KCNH8: variants seen among roughly 807,000 people sequenced by gnomAD.
KCNH8 encodes the protein voltage-gated delayed rectifier potassium channel KCNH8.
In KCNH8, 70 loss-of-function variants were observed where a neutral mutation model predicts 103.6. The ratio of observed to expected loss-of-function variants is 0.68; its 90% CI spans 0.56 to 0.82. KCNH8 has a LOEUF of 0.82. KCNH8 is among the 40% of genes least tolerant of loss of function. The pLI is 0.00. For synonymous variants in KCNH8, 498 were observed against 489.4 expected (o/e 1.02, Z -0.23); for missense variants, 1,217 against 1,329.9 (o/e 0.92, Z 1.32).
intron 1 of KCNH8, among the ~76,000 whole-genome samples, chr3:19,158,011 T>A (rs1015833299): frequency 6.6e-6 from 1 of 151,724 alleles, no homozygotes; most frequent in African/African-American, 2.4e-5. Context: ...TTACTATTAT[T>A]ATTATTTCTA....
chr3:19,509,452 A>T (rs2068747449), intron 11 of KCNH8, among the ~76,000 whole-genome samples: 1 of 152,200 alleles, frequency 6.6e-6, no homozygotes, highest in African/African-American at 2.4e-5. Flanking sequence ...GTATTTGAGC[A>T]AAAAACAATG....
At chr3:19,218,819 C>T (rs975942381) in intron 1 of KCNH8, among the ~76,000 whole-genome samples, 2 of 152,170 alleles carry the variant, frequency 1.3e-5, no homozygotes, top group African/African-American at 4.8e-5. Flanking sequence ...CAGAACAACT[C>T]CAGTCTTCAT....
chr3:19,384,861 A>C (rs899943032), intron 5 of KCNH8, among the ~76,000 whole-genome samples: 1 of 152,148 alleles, frequency 6.6e-6, no homozygotes, highest in Non-Finnish European at 1.5e-5. Flanking sequence ...TTCAAAATCA[A>C]AATTGATAAG....
At chr3:19,479,082 G>A (rs576813389) in intron 11 of KCNH8, among the ~76,000 whole-genome samples, 2 of 152,144 alleles carry the variant, frequency 1.3e-5, no homozygotes, top group Non-Finnish European at 2.9e-5. Flanking sequence ...GCAGGACTAG[G>A]AAAATATTAA....
intron 1 of KCNH8, among the ~76,000 whole-genome samples, chr3:19,226,031 C>T (rs1235200473): frequency 6.6e-6 from 1 of 152,138 alleles, no homozygotes; most frequent in East Asian, 1.9e-4. Context: ...TGAAGTAATT[C>T]TTTTGATATG....
chr3:19,343,677 G>A (rs2065691479), intron 4 of KCNH8, among the ~76,000 whole-genome samples: 1 of 151,994 alleles, frequency 6.6e-6, no homozygotes, highest in Non-Finnish European at 1.5e-5. Context: ...AGGACAGAGA[G>A]GGGATCCTTT....
At chr3:19,178,201 A>G (rs1484380098) in intron 1 of KCNH8, among the ~76,000 whole-genome samples, 2 of 152,096 alleles carry the variant, frequency 1.3e-5, no homozygotes, top group South Asian at 2.1e-4. Flanking sequence ...ACTTATTTGT[A>G]TTATATTTTA....
chr3:19,319,596 T>C (rs1165491671), intron 3 of KCNH8, among the ~76,000 whole-genome samples: 4 of 152,016 alleles, frequency 2.6e-5, no homozygotes, highest in African/African-American at 9.7e-5. Flanking sequence ...AGTTGGGTAA[T>C]GTAATGTCTC....
At chr3:19,320,418 A>C (rs976363235) in intron 3 of KCNH8, among the ~76,000 whole-genome samples, 1 of 151,994 alleles carries the variant, frequency 6.6e-6, no homozygotes, top group African/African-American at 2.4e-5. Context: ...TGAGATGATC[A>C]TATGATTTTT....
chr3:19,187,817 C>A (rs2063516673), intron 1 of KCNH8, among the ~76,000 whole-genome samples: 1 of 151,914 alleles, frequency 6.6e-6, no homozygotes. Flanking sequence ...TTTAAAAAGT[C>A]TTTGTGAACA....
intron 11 of KCNH8, among the ~76,000 whole-genome samples, chr3:19,471,973 T>G (rs562457348): frequency 1.3e-5 from 2 of 152,338 alleles, no homozygotes; most frequent in East Asian, 3.9e-4. Flanking sequence ...CACTTTTGAC[T>G]TATGCACTTT....
At chr3:19,286,513 A>G (rs2064834162) in intron 3 of KCNH8, among the ~76,000 whole-genome samples, 1 of 152,180 alleles carries the variant, frequency 6.6e-6, no homozygotes. Flanking sequence ...ACTGTAAGAA[A>G]ATAAATTTCT....
chr3:19,253,644 T>A lies in KCNH8; in HGVS notation c.77-10T>A, dbSNP rs747018462. ...TAGTTGCTGAGTATCTTCTCCTTGT[T>A]TTTCTATAGATAGCAACTTCATCCT... On this transcript the variant is annotated splice_polypyrimidine_tract_variant and intron_variant, in intron 1 of 15. Coordinates refer to ENST00000328405, the MANE Select transcript of KCNH8 (RefSeq NM_144633.3). 2 of 1,598,162 alleles carry A rather than the reference T, an allele frequency of 1.3e-6. No homozygotes were observed. The highest frequency in any genetic ancestry group is 4.5e-5 in the East Asian group (2 of 44,740).
rs201196698 is a variant in KCNH8, at chr3:19,533,473, T to G, written c.2698T>G (p.Ser900Ala). The stretch of plus-strand genomic sequence containing the variant: ...GATCCAGCTTCTGGAAAACGTTCTG[T>G]CACCTCAGCAGCCATCACGGTTTTG... ...NVIQLLENVL[S>A]PQQPSRFCSL... The change falls in exon 16 of 16, where the codon TCA becomes GCA. Residue 900 changes from serine to alanine, a missense_variant. Physicochemically the swap from Ser to Ala is moderately conservative, Grantham distance 99. Around this residue, in one of 3 missense-constraint regions of KCNH8, gnomAD observed 558 missense variants for 495.8 expected, o/e 1.13. Transcript: ENST00000328405. 2 of 1,614,144 alleles carry G rather than the reference T, an allele frequency of 1.2e-6. No individual in the cohort carries two copies. The highest frequency in any genetic ancestry group is 1.1e-5 in the South Asian group (1 of 91,084).
In KCNH8 at chr3:19,234,297, C is replaced by T. The variant is rs112659268; in HGVS notation, c.77-19357C>T. Among the ~76,000 whole-genome samples the T allele has an allele frequency of 1.0e-3, 157 of 152,306 alleles. 1 individual carries two copies. The highest frequency in any genetic ancestry group is 3.1e-3 in the African/African-American group (130 of 41,590). On this transcript the variant is annotated intron_variant, in intron 1 of 15. Transcript: ENST00000328405. ...CGCTGTGGGCCGGCACTCCTCAGGC[C>T]TTGGGTGGTCCATGGGACTGGGCGC... is the stretch of plus-strand genomic sequence containing the variant.
chr3:19,443,824 AATAATT>A (rs1294317610), intron 8 of KCNH8, among the ~76,000 whole-genome samples: 11 of 152,148 alleles, frequency 7.2e-5, no homozygotes, highest in African/African-American at 2.4e-4. Flanking sequence ...AATATGTATG[AATAATT>A]ATAACTAAAA....
chr3:19,293,263 G>A (rs1223986582), intron 3 of KCNH8, among the ~76,000 whole-genome samples: 4 of 152,106 alleles, frequency 2.6e-5, no homozygotes, highest in Admixed American at 2.0e-4. Flanking sequence ...ACCACAAGGG[G>A]ACCTCCAAGG....
At chr3:19,314,629 C>T (rs1230506517) in intron 3 of KCNH8, among the ~76,000 whole-genome samples, 1 of 151,932 alleles carries the variant, frequency 6.6e-6, no homozygotes, top group African/African-American at 2.4e-5. Context: ...TTAACTCACC[C>T]GCTGCAGCAG....
intron 3 of KCNH8, among the ~76,000 whole-genome samples, chr3:19,317,483 CT>C: frequency 6.6e-6 from 1 of 151,988 alleles, no homozygotes; most frequent in East Asian, 1.9e-4. Context: ...GTCATGTGTA[CT>C]CTTGTAAACA....
Sources: gnomAD v4.1 joint callset for allele counts (sites outside exome capture counted in the v4.1 genomes callset) on GRCh38, gnomAD v4.1.1 for gene constraint, gnomAD v4.1.1 regional missense constraint, MANE v1.5 for transcripts, NCBI Gene and HGNC (gene_info 2026-07-23, HGNC 2026-07-21) for gene names.